Variants in METTL24 observed in about 807,000 individuals in gnomAD.
METTL24 encodes methyltransferase like 24, also known as probable methyltransferase-like protein 24.
METTL24 carries 29 observed loss-of-function variants against 32.7 expected under a neutral mutation model. The observed-to-expected ratio is 0.89, with a 90% CI of 0.66 to 1.21. The LOEUF (loss-of-function observed/expected upper bound fraction) is 1.21, where lower values mean the gene tolerates loss of function less well. Ranked by LOEUF, METTL24 falls within the 50% of genes most tolerant of loss-of-function variation. METTL24 has a pLI of 0.00. For missense variants in METTL24, 439 were observed against 468.1 expected (o/e 0.94, Z 0.57); for synonymous variants, 163 against 179.5 (o/e 0.91, Z 0.73).
chr6:110,313,010 G>A (rs1397391068), intron 3 of METTL24, among the ~76,000 whole-genome samples: 1 of 152,176 alleles, frequency 6.6e-6, no homozygotes, highest in African/African-American at 2.4e-5. Context: ...AAATGAAGAG[G>A]ATGAAGTAAA....
chr6:110,256,723 G>C (rs1778392078), intron 4 of METTL24, among the ~76,000 whole-genome samples: 1 of 152,210 alleles, frequency 6.6e-6, no homozygotes, highest in African/African-American at 2.4e-5. Context: ...AATAACAGCA[G>C]TTATCAATTC....
At chr6:110,331,051 T>A (rs1055472071) in intron 1 of METTL24, among the ~76,000 whole-genome samples, 1 of 152,028 alleles carries the variant, frequency 6.6e-6, no homozygotes, top group Admixed American at 6.6e-5. Context: ...AAGGGCAAGA[T>A]AGAAAGTCTC....
intron 4 of METTL24, among the ~76,000 whole-genome samples, chr6:110,270,777 G>A (rs145109182): frequency 1.3e-5 from 2 of 151,422 alleles, no homozygotes; most frequent in East Asian, 3.9e-4. Flanking sequence ...AGAGACAAAT[G>A]AGTTCTAATT....
chr6:110,271,456 C>A (rs1770957260), intron 4 of METTL24, among the ~76,000 whole-genome samples: 1 of 152,018 alleles, frequency 6.6e-6, no homozygotes, highest in South Asian at 2.1e-4. Context: ...CACATGCCAC[C>A]ACACCTGGCT....
intron 1 of METTL24, among the ~76,000 whole-genome samples, chr6:110,328,294 A>T (rs1413712951): frequency 6.6e-6 from 1 of 152,218 alleles, no homozygotes; most frequent in Admixed American, 6.5e-5. Context: ...CTTATCTGGC[A>T]CCTTGTCCAG....
intron 4 of METTL24, among the ~76,000 whole-genome samples, chr6:110,296,050 C>G (rs1169417318): frequency 6.6e-6 from 1 of 152,032 alleles, no homozygotes; most frequent in Non-Finnish European, 1.5e-5. Context: ...TTAAATGACT[C>G]GCCCAACGCC....
chr6:110,352,545 A>G, intron 1 of METTL24, among the ~76,000 whole-genome samples: 1 of 152,042 alleles, frequency 6.6e-6, no homozygotes, highest in Non-Finnish European at 1.5e-5. Context: ...TTTTCATTCA[A>G]TTATTTGAAC....
chr6:110,319,016 T>A (rs961904200), intron 2 of METTL24, among the ~76,000 whole-genome samples: 1 of 152,258 alleles, frequency 6.6e-6, no homozygotes, highest in Non-Finnish European at 1.5e-5. Context: ...GAAATTTTTT[T>A]AATTATTTAA....
In METTL24 at chr6:110,353,499, A is replaced by C. The variant is rs190685586; in HGVS notation, c.318+4456T>G. ...AAGAAGATGACAAGAAGTGAGAAAG[A>C]AAAACCAAATTTTGCCATATGGTTT... On this transcript the variant is annotated intron_variant, in intron 1 of 4. Transcript: ENST00000338882. Among the ~76,000 whole-genome samples, 3 of 152,264 alleles carry C rather than the reference A, an allele frequency of 2.0e-5. No individual in the cohort carries two copies. The East Asian group carries it at 5.8e-4, about 29-fold the overall frequency.
At chr6:110,317,363 A>G (rs1221317300) in intron 2 of METTL24, among the ~76,000 whole-genome samples, 1 of 152,118 alleles carries the variant, frequency 6.6e-6, no homozygotes, top group African/African-American at 2.4e-5. Context: ...CTGCCTGCCC[A>G]CCTCCTATTC....
chr6:110,343,077 G>A (rs1772392094), intron 1 of METTL24, among the ~76,000 whole-genome samples: 1 of 152,120 alleles, frequency 6.6e-6, no homozygotes, highest in Non-Finnish European at 1.5e-5. Context: ...GAATGCAATT[G>A]CTGGGTCATT....
chr6:110,350,532 GA>G lies in METTL24; in HGVS notation c.318+7422del, dbSNP rs577285371. Among the ~76,000 whole-genome samples the G allele has an allele frequency of 2.7e-3, 389 of 144,878 alleles. 2 individuals are homozygous for G. Among genetic ancestry groups the G allele is most frequent in the African/African-American group, 8.7e-3 (345 of 39,614 alleles). The stretch of plus-strand genomic sequence containing the variant: ...TCCTGCAAGGTAACTATGCATGACA[GA>G]AAAAAAAAAATCAAAGAATATGAGA... On this transcript the variant is annotated intron_variant, in intron 1 of 4. Transcript: ENST00000338882.
chr6:110,318,769 CT>C (rs1385314320), intron 2 of METTL24, among the ~76,000 whole-genome samples: 1 of 151,884 alleles, frequency 6.6e-6, no homozygotes, highest in Non-Finnish European at 1.5e-5. Flanking sequence ...TTGTAAACAA[CT>C]GAAAGTCCTC....
At chr6:110,292,343 C>T (rs73537990) in intron 4 of METTL24, among the ~76,000 whole-genome samples, 106 of 152,298 alleles carry the variant, frequency 7.0e-4, no homozygotes, top group Middle Eastern at 3.4e-3. Flanking sequence ...TATATTCCTG[C>T]GACTTTTTAT....
intron 1 of METTL24, among the ~76,000 whole-genome samples, chr6:110,325,591 AAG>A (rs1772003762): frequency 1.3e-5 from 2 of 152,174 alleles, no homozygotes; most frequent in Non-Finnish European, 2.9e-5. Flanking sequence ...TGATTTCCCA[AAG>A]TCTTGTGCTT....
intron 4 of METTL24, among the ~76,000 whole-genome samples, chr6:110,274,041 C>T (rs1485276760): frequency 1.3e-5 from 2 of 152,146 alleles, no homozygotes; most frequent in African/African-American, 2.4e-5. Context: ...TACTATTCAA[C>T]CATAAAAAGG....
chr6:110,341,997 G>C (rs553449124), intron 1 of METTL24, among the ~76,000 whole-genome samples: 1 of 152,328 alleles, frequency 6.6e-6, no homozygotes, highest in South Asian at 2.1e-4. Flanking sequence ...ACAGTCATCT[G>C]AGTGAGAATG....
intron 4 of METTL24, among the ~76,000 whole-genome samples, chr6:110,246,603 GA>G (rs1778168016): frequency 6.6e-6 from 1 of 152,184 alleles, no homozygotes; most frequent in African/African-American, 2.4e-5. Context: ...TACAAATGAT[GA>G]AATACCAGGC....
chr6:110,357,868 C>T, intron 1 of METTL24, 87 bp downstream of exon 1: 2 of 710,628 alleles, frequency 2.8e-6, no homozygotes, highest in East Asian at 5.8e-5. Flanking sequence ...ATCGAGGCGG[C>T]CTGCGGGACC....
Sources: gnomAD v4.1 joint callset for allele counts (sites outside exome capture counted in the v4.1 genomes callset) on GRCh38, gnomAD v4.1.1 for gene constraint, MANE v1.5 for transcripts, NCBI Gene and HGNC (gene_info 2026-07-23, HGNC 2026-07-21) for gene names.